Variants in NOTCH2 observed in about 807,000 individuals in gnomAD.
The protein encoded by NOTCH2 is notch receptor 2, also known as neurogenic locus notch homolog protein 2.
In NOTCH2, 29 loss-of-function variants were observed where a neutral mutation model predicts 235.8. That is an observed-to-expected ratio of 0.12 (90% CI 0.09 to 0.17). The LOEUF (loss-of-function observed/expected upper bound fraction) is 0.17. NOTCH2 is among the 10% of genes least tolerant of loss of function. NOTCH2 has a pLI of 1.00. For missense variants in NOTCH2, 2,285 were observed against 3,150.2 expected (o/e 0.73, Z 6.57); for synonymous variants, 1,086 against 1,141.5 (o/e 0.95, Z 0.98).
At chr1:120,009,723 C>T (rs390548) in intron 2 of NOTCH2, among the ~76,000 whole-genome samples, 31,813 of 135,564 alleles carry the variant, frequency 0.23, 6,115 homozygotes, top group African/African-American at 0.57. Flanking sequence ...AACCACTCCA[C>T]GCACCGTTTT....
At chr1:119,943,676 C>G (rs1430131715) in intron 17 of NOTCH2, among the ~76,000 whole-genome samples, 2 of 151,954 alleles carry the variant, frequency 1.3e-5, no homozygotes, top group African/African-American at 4.8e-5. Context: ...TAAAAAGTTA[C>G]CAGGCAGGCA....
At chr1:119,941,007 T>C (rs17024549) in intron 18 of NOTCH2, among the ~76,000 whole-genome samples, 1,900 of 152,342 alleles carry the variant, frequency 0.012, 43 homozygotes, top group African/African-American at 0.043. Context: ...TGAAGTTTTC[T>C]AGGTTTTACC....
chr1:119,960,307 T>C (rs1264291954), intron 11 of NOTCH2, among the ~76,000 whole-genome samples: 5 of 152,050 alleles, frequency 3.3e-5, no homozygotes, highest in Admixed American at 1.3e-4. Flanking sequence ...TATTGTAGGC[T>C]AAATTTCAGG....
In NOTCH2 at chr1:119,915,576, C is replaced by T. The variant is rs775423271; in HGVS notation, c.7146G>A (p.Lys2382=). Reference sequence around the variant, plus strand: ...TGTGCTGTGAAGGGGGTGTGGGGTACTTGCCCACAGAGGCTGGGAAAGGAT... The same window carrying T: ...TGTGCTGTGAAGGGGGTGTGGGGTATTTGCCCACAGAGGCTGGGAAAGGAT... The part of the protein sequence containing the change: ...AYHPFPASVG[K]YPTPPSQHSY... The change falls in exon 34 of 34, where the codon AAG becomes AAA. Residue 2382 remains lysine, a synonymous_variant. Transcript: ENST00000256646. 1.7e-5 allele frequency: 28 copies of T among 1,613,906 alleles called. No individual in the cohort carries two copies. The highest frequency in any genetic ancestry group is 2.4e-5 in the Non-Finnish European group (28 of 1,180,040).
chr1:119,966,171 C>G (rs587619830), intron 9 of NOTCH2, among the ~76,000 whole-genome samples: 5 of 152,318 alleles, frequency 3.3e-5, no homozygotes, highest in Admixed American at 1.3e-4. Flanking sequence ...CAAGAATAGA[C>G]TTGGACTTTT....
Position 119,937,771 on chromosome 1 carries a change from T to C in NOTCH2, c.3337+86A>G, listed in dbSNP as rs2453057. 1 allele frequency: 1,497,935 copies of C among 1,504,600 alleles called. 745,879 individuals are homozygous for C. The highest frequency in any genetic ancestry group is 1 in the East Asian group (43,810 of 43,810). 93.2% of individuals were successfully genotyped at this position (1,504,600 alleles called of 1,614,324 possible). A position where few individuals can be genotyped will look rare whatever the true frequency, so the allele number is the denominator to read the frequency against. The stretch of plus-strand genomic sequence containing the variant: ...ACTACTATCTGCCCTTCCCTCTTAT[T>C]CCACAAAAAAATGATACCTTCTCTA... On this transcript the variant is annotated intron_variant, in intron 20 of 33. Coordinates refer to ENST00000256646, the MANE Select transcript of NOTCH2 (RefSeq NM_024408.4).
intron 1 of NOTCH2, among the ~76,000 whole-genome samples, chr1:120,037,808 G>A (rs1553212135): frequency 6.6e-6 from 1 of 151,614 alleles, no homozygotes; most frequent in Non-Finnish European, 1.5e-5. Context: ...GCTAGTATCA[G>A]ATCCAGATAT....
chr1:120,003,679 A>G (rs1357372216), intron 3 of NOTCH2, among the ~76,000 whole-genome samples: 2 of 152,012 alleles, frequency 1.3e-5, no homozygotes, highest in African/African-American at 4.8e-5. Flanking sequence ...AAAAACCCAC[A>G]ATCTATTCAG....
At chr1:119,950,892 A>C in intron 14 of NOTCH2, 55 bp from the exon 15 acceptor site, 3 of 1,094,490 alleles carry the variant, frequency 2.7e-6, no homozygotes, top group Non-Finnish European at 4.2e-6. Context: ...AGCCTCATCA[A>C]TTTCTAACCA....
intron 5 of NOTCH2, among the ~76,000 whole-genome samples, chr1:119,980,455 C>T (rs78945221): frequency 0.013 from 1,908 of 152,256 alleles, 42 homozygotes; most frequent in African/African-American, 0.043. Context: ...GTGTCTCCCT[C>T]GCTCTTCCTT....
chr1:119,994,525 T>TAC (rs1652358532), intron 4 of NOTCH2: 4 of 46,418 alleles, frequency 8.6e-5, no homozygotes, highest in Admixed American at 2.7e-4. Flanking sequence ...ATGCCATATA[T>TAC]ATATACACAC....
chr1:119,999,139 G>A (rs1428496189), intron 3 of NOTCH2, among the ~76,000 whole-genome samples: 6 of 145,568 alleles, frequency 4.1e-5, no homozygotes, highest in Non-Finnish European at 8.9e-5. Flanking sequence ...GAATAGTGCC[G>A]CAATAAACAT....
At position 119,920,343 on chromosome 1, in the gene NOTCH2, A is replaced by G; in HGVS notation, c.5365T>C (p.Trp1789Arg). The change falls in exon 30 of 34, where the codon TGG becomes CGG. Residue 1789 changes from tryptophan to arginine, a missense_variant. Physicochemically the swap from Trp to Arg is moderately radical, Grantham distance 101. Around this residue, in one of 6 missense-constraint regions of NOTCH2, gnomAD observed 1,173 missense variants for 1,515.3 expected, o/e 0.77. Transcript: ENST00000256646. ...GCAGCTTCAAGGTGCTGCTGTGTCC[A>G]TGGCCGTCGATCAATGGGGTCATCT... ...EEDDPIDRRP[W>R]TQQHLEAADI... is the part of the protein sequence containing the mutation. 6.2e-7 allele frequency: 1 copy of G among 1,614,188 alleles called. No individual in the cohort carries two copies. Among genetic ancestry groups the G allele is most frequent in the Non-Finnish European group, 8.5e-7 (1 of 1,180,022 alleles).
chr1:120,042,068 C>T (rs1654597308), intron 1 of NOTCH2, among the ~76,000 whole-genome samples: 1 of 127,644 alleles, frequency 7.8e-6, no homozygotes, highest in South Asian at 2.8e-4. Flanking sequence ...GTTGCCACTC[C>T]TGTCTGGAAG....
Position 119,914,267 on chromosome 1 carries a change from G to A in NOTCH2, c.*1039C>T, listed in dbSNP as rs1648988922. The A allele has an allele frequency of 1.7e-5, 4 of 233,134 alleles. No individual in the cohort carries two copies. The highest frequency in any genetic ancestry group is 3.4e-5 in the Non-Finnish European group (4 of 118,050). 14.4% of individuals were successfully genotyped at this position (233,134 alleles called of 1,614,324 possible). A position where few individuals can be genotyped will look rare whatever the true frequency, so the allele number is the denominator to read the frequency against. On this transcript the variant is annotated 3_prime_UTR_variant, in exon 34 of 34. Coordinates refer to ENST00000256646, the MANE Select transcript of NOTCH2 (RefSeq NM_024408.4). ...AATGTGTTCCATACAGGCAGTCAAT[G>A]GAATGCTTGGCAGGAAGTAGGGGGA...
intron 24 of NOTCH2, among the ~76,000 whole-genome samples, chr1:119,926,049 G>C (rs1557806993): frequency 6.6e-6 from 1 of 152,192 alleles, no homozygotes; most frequent in Non-Finnish European, 1.5e-5. Context: ...AGCTAAAATT[G>C]AGCTTCCCTC....
chr1:119,959,304 A>G, intron 12 of NOTCH2, 88 bp downstream of exon 12: 1 of 801,364 alleles, frequency 1.2e-6, no homozygotes, highest in Admixed American at 1.8e-5. Flanking sequence ...AAGAAATAGG[A>G]AACACTTGAA....
chr1:119,941,540 A>G lies in NOTCH2; in HGVS notation c.2967T>C (p.Asn989=). The G allele has an allele frequency of 6.2e-7, 1 of 1,612,906 alleles. No individual in the cohort carries two copies. Among genetic ancestry groups the G allele is most frequent in the Non-Finnish European group, 8.5e-7 (1 of 1,179,014 alleles). The change falls in exon 18 of 34, where the codon AAT becomes AAC. Residue 989 remains asparagine (N), a synonymous_variant. Transcript: ENST00000256646. ...FDGVHCENNI[N]ECTESSCFNG... is the part of the protein sequence containing the mutation. ...TGGTTGCTCACCTCTCAGTGCACTC[A>G]TTGATGTTGTTCTCACAATGGACTC... is the stretch of plus-strand genomic sequence containing the variant.
chr1:119,982,133 A>G (rs183321096), intron 5 of NOTCH2, among the ~76,000 whole-genome samples: 75 of 152,248 alleles, frequency 4.9e-4, no homozygotes, highest in African/African-American at 1.8e-3. Flanking sequence ...ACTCACATCA[A>G]ACATTTTTAC....
Sources: gnomAD v4.1 joint callset for allele counts (sites outside exome capture counted in the v4.1 genomes callset) on GRCh38, gnomAD v4.1.1 for gene constraint, gnomAD v4.1.1 regional missense constraint, MANE v1.5 for transcripts, NCBI Gene and HGNC (gene_info 2026-07-23, HGNC 2026-07-21) for gene names.